Variants in ADAMTS6 observed in about 807,000 individuals in gnomAD.
ADAMTS6 encodes A disintegrin and metalloproteinase with thrombospondin motifs 6.
A neutral mutation model predicts 144.3 loss-of-function variants in ADAMTS6; 23 were observed. The observed-to-expected ratio is 0.16, with a 90% confidence interval of 0.11 to 0.23. The LOEUF is 0.23. Ranked by LOEUF, ADAMTS6 falls within the 10% of genes least tolerant of loss-of-function variation. ADAMTS6 has a pLI of 1.00. For synonymous variants in ADAMTS6, 444 were observed against 457.5 expected (o/e 0.97, Z 0.38); for missense variants, 999 against 1,379.6 (o/e 0.72, Z 4.37).
chr5:65,424,800 C>T (rs913458967), intron 7 of ADAMTS6, among the ~76,000 whole-genome samples: 1 of 152,136 alleles, frequency 6.6e-6, no homozygotes, highest in African/African-American at 2.4e-5. Flanking sequence ...TCTTATTTAT[C>T]CTGGCTTTTT....
intron 20 of ADAMTS6, among the ~76,000 whole-genome samples, chr5:65,197,754 C>A (rs1310007002): frequency 6.6e-6 from 1 of 152,110 alleles, no homozygotes; most frequent in African/African-American, 2.4e-5. Flanking sequence ...TCTGTTTATT[C>A]GAACAGAGTT....
At chr5:65,204,609 T>C (rs947286847) in intron 20 of ADAMTS6, among the ~76,000 whole-genome samples, 2 of 152,180 alleles carry the variant, frequency 1.3e-5, no homozygotes, top group South Asian at 2.1e-4. Context: ...GTTAATGCAG[T>C]GACAGACCAT....
chr5:65,238,864 T>G (rs1449428458), intron 15 of ADAMTS6, among the ~76,000 whole-genome samples: 2 of 152,198 alleles, frequency 1.3e-5, no homozygotes, highest in Non-Finnish European at 2.9e-5. Context: ...AGTTTTTCCC[T>G]CAATTGATCT....
At position 65,470,958 on chromosome 5, in the gene ADAMTS6, C is replaced by T. The variant is rs1028468708; in HGVS notation, c.282G>A (p.Lys94=). 9.3e-6 allele frequency: 15 copies of T among 1,612,628 alleles called. No homozygotes were observed. The highest frequency in any genetic ancestry group is 1.3e-5 in the African/African-American group (1 of 74,816). The change falls in exon 3 of 25, where the codon AAG becomes AAA. Residue 94 remains lysine, a synonymous_variant. Coordinates refer to ENST00000381055, the MANE Select transcript of ADAMTS6 (RefSeq NM_197941.4). ...KLFFKLSAYG[K]HFHLNLTLNT... ...TGAGAGTCAAGTTTAGATGAAAGTG[C>T]TTGCCATAGGCTGAAAGTTTAAAAA...
At chr5:65,431,370 G>A (rs189187465) in intron 7 of ADAMTS6, among the ~76,000 whole-genome samples, 27 of 152,216 alleles carry the variant, frequency 1.8e-4, no homozygotes, top group Admixed American at 1.3e-4. Context: ...GATAACTCCA[G>A]AGAAATATGC....
chr5:65,230,779 A>AAT (rs1233164461), intron 15 of ADAMTS6, among the ~76,000 whole-genome samples: 2 of 98,736 alleles, frequency 2.0e-5, no homozygotes, highest in South Asian at 3.3e-4. Context: ...ATATGTATGA[A>AAT]ATATATATAT....
chr5:65,394,079 T>C (rs1753140509), intron 7 of ADAMTS6, among the ~76,000 whole-genome samples: 1 of 152,226 alleles, frequency 6.6e-6, no homozygotes, highest in Non-Finnish European at 1.5e-5. Context: ...CCACATATAA[T>C]GTGACTTTGA....
intron 7 of ADAMTS6, among the ~76,000 whole-genome samples, chr5:65,364,711 C>T (rs951026131): frequency 8.6e-5 from 13 of 151,652 alleles, no homozygotes; most frequent in Non-Finnish European, 1.2e-4. Flanking sequence ...GGACTACAGG[C>T]GCCCGTCACT....
intron 7 of ADAMTS6, among the ~76,000 whole-genome samples, chr5:65,427,808 A>T (rs1029794475): frequency 6.6e-6 from 1 of 152,260 alleles, no homozygotes; most frequent in East Asian, 1.9e-4. Context: ...AAAAAAAAAA[A>T]AACAAAAATG....
intron 10 of ADAMTS6, among the ~76,000 whole-genome samples, chr5:65,298,428 T>C (rs1743064862): frequency 6.6e-6 from 1 of 152,172 alleles, no homozygotes. Flanking sequence ...TATAAAAACA[T>C]AAGCCAAGTC....
chr5:65,236,067 C>A (rs180736078), intron 15 of ADAMTS6, among the ~76,000 whole-genome samples: 10 of 152,156 alleles, frequency 6.6e-5, no homozygotes, highest in Admixed American at 1.3e-4. Context: ...GAAGCAAAAT[C>A]TTTTTAAAAA....
chr5:65,365,230 T>C (rs556515764), intron 7 of ADAMTS6, among the ~76,000 whole-genome samples: 3 of 152,270 alleles, frequency 2.0e-5, no homozygotes, highest in African/African-American at 7.2e-5. Context: ...GACAATAATA[T>C]GTCTTAATAA....
intron 9 of ADAMTS6, among the ~76,000 whole-genome samples, chr5:65,310,612 A>T (rs529536345): frequency 6.6e-6 from 1 of 152,318 alleles, no homozygotes; most frequent in South Asian, 2.1e-4. Context: ...TATTTAACCT[A>T]TTTTGCACAC....
At chr5:65,240,050 C>T (rs10058195) in intron 15 of ADAMTS6, among the ~76,000 whole-genome samples, 44,788 of 152,034 alleles carry the variant, frequency 0.29, 6,859 homozygotes, top group Admixed American at 0.38. Flanking sequence ...TGATAGTACA[C>T]AAATGTTCAT....
At chr5:65,163,600 A>G (rs1165197128) in intron 24 of ADAMTS6, among the ~76,000 whole-genome samples, 1 of 152,248 alleles carries the variant, frequency 6.6e-6, no homozygotes, top group Non-Finnish European at 1.5e-5. Context: ...TGAATTAGAC[A>G]GAGTTGATCA....
chr5:65,476,953 T>TAC (rs1169000778), intron 1 of ADAMTS6, among the ~76,000 whole-genome samples: 3 of 152,190 alleles, frequency 2.0e-5, no homozygotes, highest in Non-Finnish European at 2.9e-5. Context: ...ATGTGAATAG[T>TAC]TTTTAACAAC....
In ADAMTS6 at chr5:65,300,113, A is replaced by G. The variant is rs1442588999; in HGVS notation, c.1242T>C (p.Asp414=). The change falls in exon 10 of 25, where the codon GAT becomes GAC. Residue 414 remains aspartate, a synonymous_variant. Transcript: ENST00000381055. ...EIGHNFGMNH[D]GIGNSCGTKG... ...TCGTCCCACAAGAATTTCCAATTCC[A>G]TCATGGTTCATACCAAAACTGTTTT... is the stretch of plus-strand genomic sequence containing the variant. The G allele has an allele frequency of 1.9e-6, 3 of 1,614,148 alleles. No homozygotes were observed. Among genetic ancestry groups the G allele is most frequent in the Non-Finnish European group, 1.7e-6 (2 of 1,180,004 alleles).
chr5:65,379,500 A>G (rs1751846153), intron 7 of ADAMTS6, among the ~76,000 whole-genome samples: 3 of 152,174 alleles, frequency 2.0e-5, no homozygotes, highest in African/African-American at 7.2e-5. Context: ...ATTATGTGAG[A>G]TCTCATCCTA....
intron 7 of ADAMTS6, among the ~76,000 whole-genome samples, chr5:65,339,542 G>GA (rs557057192): frequency 6.6e-4 from 98 of 148,800 alleles, no homozygotes; most frequent in Admixed American, 6.0e-4. Flanking sequence ...TGAAATGCCA[G>GA]AAAAAGAATT....
Sources: gnomAD v4.1 joint callset for allele counts (sites outside exome capture counted in the v4.1 genomes callset) on GRCh38, gnomAD v4.1.1 for gene constraint, MANE v1.5 for transcripts, NCBI Gene and HGNC (gene_info 2026-07-23, HGNC 2026-07-21) for gene names.